The following TVP23C variants were observed in gnomAD, a reference collection of about 807,000 sequenced individuals.
TVP23C encodes the protein Golgi apparatus membrane protein TVP23 homolog C.
TVP23C carries 19 observed loss-of-function variants against 28.7 expected under a neutral mutation model. That is an observed-to-expected ratio of 0.66 (90% confidence interval 0.46 to 0.97). The LOEUF (loss-of-function observed/expected upper bound fraction) is 0.97. TVP23C is among the 50% of genes least tolerant of loss of function. TVP23C has a pLI of 0.00. For synonymous variants in TVP23C, 68 were observed against 81.7 expected, an observed-to-expected ratio of 0.83 and a Z score of 0.90; for missense variants, 186 against 241.3, an observed-to-expected ratio of 0.77 and a Z score of 1.52.
At chr17:15,535,982 A>C (rs562397839), downstream of TVP23C, among the ~76,000 whole-genome samples, 15 of 152,306 alleles carry the variant, frequency 9.8e-5, no homozygotes, top group Middle Eastern at 3.4e-3. Context: ...ACCTAAGGTC[A>C]GGAATTCGAG....
chr17:15,561,919 C>T (rs185166609), intron 1 of TVP23C, among the ~76,000 whole-genome samples: 10 of 152,332 alleles, frequency 6.6e-5, no homozygotes, highest in Admixed American at 6.5e-4. Context: ...AACCAAAACC[C>T]ACCAAGACCA....
At chr17:15,554,917 TAG>T (rs919000796) in intron 2 of TVP23C, among the ~76,000 whole-genome samples, 25 of 152,352 alleles carry the variant, frequency 1.6e-4, no homozygotes, top group African/African-American at 4.1e-4. Flanking sequence ...TGAATTTATT[TAG>T]AGAGAATTAA....
chr17:15,518,942 C>A lies in TVP23C; in HGVS notation c.463-15710G>T, dbSNP rs138231262. On this transcript the variant is annotated intron_variant, in intron 5 of 5. Coordinates refer to the TVP23C transcript ENST00000225576. ...ATGGGAGTGGTTTCCCCATACTGGT[C>A]TTGTGATAGTGAGTGAGTTCTCACA... 1.8e-3 allele frequency among the ~76,000 whole-genome samples: 269 copies of A among 152,248 alleles called. 1 individual carries two copies. Among genetic ancestry groups the A allele is most frequent in the African/African-American group, 6.3e-3 (261 of 41,538 alleles).
At chr17:15,515,795 C>G (rs1424960718) in intron 5 of TVP23C, among the ~76,000 whole-genome samples, 4 of 152,102 alleles carry the variant, frequency 2.6e-5, no homozygotes, top group Admixed American at 2.6e-4. Context: ...ATGATGGGCA[C>G]AGTGATGGAG....
rs1387212592 is a variant in TVP23C, at chr17:15,547,520, C to A, written c.241-372G>T. On this transcript the variant is annotated intron_variant, in intron 3 of 5. Transcript: ENST00000518321. The stretch of plus-strand genomic sequence containing the variant: ...TACATATATTTTACAACTACATATC[C>A]CTGAAAATGATTATAGACACTGGCC... 2.0e-5 allele frequency among the ~76,000 whole-genome samples: 3 copies of A among 152,168 alleles called. No individual in the cohort carries two copies. The East Asian group carries it at 5.8e-4, about 29-fold the overall frequency.
chr17:15,512,697 T>C (rs191698243), intron 5 of TVP23C, among the ~76,000 whole-genome samples: 59 of 152,352 alleles, frequency 3.9e-4, no homozygotes, highest in African/African-American at 1.3e-3. Flanking sequence ...TAGAAGATCA[T>C]TGATACATCT....
chr17:15,558,194 C>T (rs576983435), intron 1 of TVP23C, among the ~76,000 whole-genome samples: 5 of 147,586 alleles, frequency 3.4e-5, no homozygotes, highest in Admixed American at 1.4e-4. Flanking sequence ...CTTCTGCTCT[C>T]GATCCCAACA....
At chr17:15,525,094 T>C (rs547112868) in intron 5 of TVP23C, among the ~76,000 whole-genome samples, 4 of 152,376 alleles carry the variant, frequency 2.6e-5, no homozygotes, top group East Asian at 3.9e-4. Flanking sequence ...GAAAGTAATG[T>C]GTGAGTTGAA....
At chr17:15,505,364 A>G (rs977747530) in intron 5 of TVP23C, among the ~76,000 whole-genome samples, 2 of 152,210 alleles carry the variant, frequency 1.3e-5, no homozygotes, top group East Asian at 1.9e-4. Flanking sequence ...TTCTCCCACC[A>G]GTCTCAGGCA....
intron 3 of TVP23C, among the ~76,000 whole-genome samples, chr17:15,551,385 C>T (rs894056981): frequency 1.6e-4 from 25 of 151,950 alleles, no homozygotes; most frequent in African/African-American, 5.3e-4. Context: ...GGATTATAGG[C>T]ATGAGCCACC....
chr17:15,545,950 T>G (rs556157263), intron 4 of TVP23C, 34 bp from the exon 5 acceptor site: 2 of 1,588,318 alleles, frequency 1.3e-6, no homozygotes, highest in African/African-American at 2.7e-5. Context: ...TATCATGTTG[T>G]GAAATTTATC....
chr17:15,514,138 G>T (rs576102467), intron 5 of TVP23C, among the ~76,000 whole-genome samples: 121 of 152,330 alleles, frequency 7.9e-4, no homozygotes, highest in Non-Finnish European at 1.5e-3. Context: ...AGGTGAATAT[G>T]GCCCATCAAT....
intron 1 of TVP23C, chr17:15,562,605 T>C (rs1984449839): frequency 2.0e-5 from 3 of 152,162 alleles, no homozygotes; most frequent in Admixed American, 2.0e-4. Flanking sequence ...ACTCAAGGCA[T>C]CTCCTCATAA....
intron 1 of TVP23C, 134 bp from the exon 2 acceptor site, chr17:15,555,498 G>A: frequency 7.1e-7 from 1 of 1,404,850 alleles, no homozygotes; most frequent in African/African-American, 1.4e-5. Context: ...TCAAAACCTA[G>A]AAAAGGACAC....
chr17:15,523,191 G>T (rs925551954), intron 5 of TVP23C, among the ~76,000 whole-genome samples: 2 of 150,990 alleles, frequency 1.3e-5, no homozygotes, highest in Non-Finnish European at 2.9e-5. Context: ...TTTTAATAGA[G>T]ATGGGGTTTC....
rs745661947 is a variant in TVP23C, at chr17:15,502,860, G to GT, written c.*3dup. ...GCGAGGAGCTTCAGATTTGTGGGTT[G>GT]TTTTTAATGCATTCCGGATGCCAGA... On this transcript the variant is annotated 3_prime_UTR_variant, in exon 6 of 6. Coordinates refer to the TVP23C transcript ENST00000225576. The GT allele has an allele frequency of 1.8e-5, 29 of 1,571,522 alleles. No homozygotes were observed. In the African/African-American group the frequency reaches 3.6e-4, roughly 19 times the overall value.
chr17:15,516,162 A>G (rs939963147), intron 5 of TVP23C, among the ~76,000 whole-genome samples: 1 of 152,220 alleles, frequency 6.6e-6, no homozygotes, highest in African/African-American at 2.4e-5. Flanking sequence ...ACCCAGTCTC[A>G]GGTATGTCTT....
At chr17:15,525,846 T>C (rs146221544) in intron 5 of TVP23C, among the ~76,000 whole-genome samples, 1,705 of 152,322 alleles carry the variant, frequency 0.011, 36 homozygotes, top group African/African-American at 0.039. Context: ...GGATCCATCA[T>C]GTACTAGATG....
chr17:15,533,912 G>A (rs1305645702), downstream of TVP23C, among the ~76,000 whole-genome samples: 1 of 152,208 alleles, frequency 6.6e-6, no homozygotes, highest in Non-Finnish European at 1.5e-5. Flanking sequence ...TGTAAGCCAA[G>A]AGACAAGAAT....
Sources: allele counts gnomAD v4.1 joint callset (sites outside exome capture counted in the v4.1 genomes callset), GRCh38; gene constraint gnomAD v4.1.1; transcripts MANE v1.5; gene names NCBI Gene and HGNC (gene_info 2026-07-23, HGNC 2026-07-21).